HTR7: variants seen among roughly 807,000 people sequenced by gnomAD.
HTR7 encodes the protein 5-HT-7.
In HTR7, 16 loss-of-function variants were observed where a neutral mutation model predicts 34.0. The observed-to-expected ratio is 0.47, with a 90% CI of 0.32 to 0.71. The LOEUF is 0.71. Among genes scored for constraint, HTR7 ranks in the 30% least tolerant of loss-of-function variants. The pLI is 0.04. For synonymous variants in HTR7, 265 were observed against 260.2 expected (o/e 1.02, Z -0.18); for missense variants, 504 against 625.5 (o/e 0.81, Z 2.07).
At chr10:90,826,029 T>C (rs976413966) in intron 1 of HTR7, among the ~76,000 whole-genome samples, 2 of 152,102 alleles carry the variant, frequency 1.3e-5, no homozygotes, top group Non-Finnish European at 2.9e-5. Flanking sequence ...CAAGCAGATT[T>C]AACCCAAAGA....
At chr10:90,753,636 T>C (rs1844779790) in intron 1 of HTR7, among the ~76,000 whole-genome samples, 1 of 152,190 alleles carries the variant, frequency 6.6e-6, no homozygotes, top group Non-Finnish European at 1.5e-5. Context: ...AAGATAATTG[T>C]ACAAATGCAA....
At chr10:90,776,989 A>G (rs1845224913) in intron 1 of HTR7, among the ~76,000 whole-genome samples, 1 of 152,226 alleles carries the variant, frequency 6.6e-6, no homozygotes, top group Non-Finnish European at 1.5e-5. Context: ...TCTGTAGAAT[A>G]AGTGAGTATA....
intron 1 of HTR7, among the ~76,000 whole-genome samples, chr10:90,854,863 T>C (rs947314139): frequency 3.9e-5 from 6 of 152,334 alleles, no homozygotes; most frequent in African/African-American, 1.4e-4. Context: ...AAGCACAGTG[T>C]AACCTATATT....
chr10:90,838,433 C>T (rs963696088), intron 1 of HTR7, among the ~76,000 whole-genome samples: 4 of 152,196 alleles, frequency 2.6e-5, no homozygotes, highest in African/African-American at 4.8e-5. Context: ...CTACGATTAC[C>T]TCTTGCCTTG....
chr10:90,754,223 T>C (rs115196858), intron 1 of HTR7, among the ~76,000 whole-genome samples: 2,317 of 152,156 alleles, frequency 0.015, 38 homozygotes, highest in African/African-American at 0.042. Context: ...CAAAAGTACT[T>C]TATTAGAATA....
At chr10:90,854,761 C>A (rs926963180) in intron 1 of HTR7, among the ~76,000 whole-genome samples, 13 of 152,126 alleles carry the variant, frequency 8.5e-5, no homozygotes, top group African/African-American at 3.1e-4. Flanking sequence ...AGGCTAAATG[C>A]CCAACAGATA....
At chr10:90,806,773 T>C (rs1042227986) in intron 1 of HTR7, among the ~76,000 whole-genome samples, 18 of 152,208 alleles carry the variant, frequency 1.2e-4, no homozygotes, top group Non-Finnish European at 2.6e-4. Context: ...CCCTTGGTTA[T>C]TGTTATCTAT....
intron 1 of HTR7, among the ~76,000 whole-genome samples, chr10:90,806,502 G>A (rs1273794020): frequency 6.6e-6 from 1 of 152,148 alleles, no homozygotes; most frequent in Admixed American, 6.5e-5. Context: ...GGGAGGCTGA[G>A]GCAGGAGAAT....
chr10:90,854,209 C>T (rs977187857), intron 1 of HTR7, among the ~76,000 whole-genome samples: 8 of 152,062 alleles, frequency 5.3e-5, no homozygotes, highest in African/African-American at 1.9e-4. Context: ...AAAAATTAGC[C>T]GGGTGTGGTG....
chr10:90,842,485 T>C (rs1195550291), intron 1 of HTR7, among the ~76,000 whole-genome samples: 2 of 152,168 alleles, frequency 1.3e-5, no homozygotes, highest in African/African-American at 4.8e-5. Context: ...ACTCCTAACC[T>C]CTATCAGCCT....
chr10:90,749,259 A>G lies in HTR7; in HGVS notation c.875T>C (p.Ile292Thr). Residue 292 changes from isoleucine to threonine, a missense_variant, in exon 2 of 4, where the codon ATA becomes ACA. Physicochemically the swap from Ile to Thr is moderately conservative, Grantham distance 89. This residue lies in a region of HTR7 where 57 missense variants were observed against 47.5 expected (regional missense o/e 1.20). Transcript: ENST00000336152. The surrounding 1 kb of genome is among the most constrained non-coding windows in gnomAD (Gnocchi z 4.2). ...EPDSVIALNGIVKLQKEVEEC... is the reference protein window; with the variant it reads ...EPDSVIALNGTVKLQKEVEEC... ...TTCCACCTCCTTCTGGAGCTTCACT[A>G]TGCCATTCAGGGCGATGACGCTGTC... 1 of 1,614,090 alleles carries G rather than the reference A, an allele frequency of 6.2e-7. No homozygotes were observed.
At chr10:90,780,111 T>G (rs1845283113) in intron 1 of HTR7, among the ~76,000 whole-genome samples, 2 of 152,222 alleles carry the variant, frequency 1.3e-5, no homozygotes, top group South Asian at 4.1e-4. Flanking sequence ...CCAGGTGTCG[T>G]GGCTCACACC....
rs550747075 is a variant in HTR7 at position 90,857,654 on chromosome 10, G to A, written c.18C>T (p.Ser6=). MMDVN[S]SGRPDLYGHL... is the part of the protein sequence containing the mutation. ...GCCCGTAGAGGTCCGGGCGGCCGCT[G>A]CTGTTAACGTCCATCATCGCGCCGC... Residue 6 remains serine (S), a synonymous_variant, in exon 1 of 4, where the codon AGC becomes AGT. Transcript: ENST00000336152. This position sits in a 1 kb window ranked among gnomAD's most constrained non-coding sequence, Gnocchi z 6.5. The A allele has an allele frequency of 1.9e-6, 3 of 1,587,342 alleles. No individual in the cohort carries two copies. Among genetic ancestry groups the A allele is most frequent in the South Asian group, 1.1e-5 (1 of 88,234 alleles).
intron 1 of HTR7, among the ~76,000 whole-genome samples, chr10:90,769,899 G>T (rs1436282664): frequency 6.6e-6 from 1 of 152,236 alleles, no homozygotes; most frequent in African/African-American, 2.4e-5. Flanking sequence ...AAAATTGACA[G>T]CAGCAGCAGG....
chr10:90,799,585 C>T (rs1220007073), intron 1 of HTR7, among the ~76,000 whole-genome samples: 1 of 152,160 alleles, frequency 6.6e-6, no homozygotes, highest in African/African-American at 2.4e-5. Context: ...AAATCATCTC[C>T]TGTACCCCTC....
intron 1 of HTR7, among the ~76,000 whole-genome samples, chr10:90,832,906 C>T (rs947254764): frequency 1.3e-4 from 20 of 152,196 alleles, no homozygotes; most frequent in African/African-American, 2.2e-4. Flanking sequence ...CAAGGTGGGC[C>T]TACAAGCAGG....
At chr10:90,769,998 A>G (rs1589443166) in intron 1 of HTR7, among the ~76,000 whole-genome samples, 1 of 152,360 alleles carries the variant, frequency 6.6e-6, no homozygotes, top group East Asian at 1.9e-4. Context: ...CAGCAGTGGC[A>G]GTGGCTGGAC....
intron 1 of HTR7, among the ~76,000 whole-genome samples, chr10:90,760,942 AAAT>A (rs899182301): frequency 2.6e-5 from 4 of 152,176 alleles, no homozygotes; most frequent in Admixed American, 2.6e-4. Context: ...TGTGTCAAAA[AAAT>A]TAAATGAAAA....
At chr10:90,754,434 C>G (rs1844797916) in intron 1 of HTR7, among the ~76,000 whole-genome samples, 1 of 151,912 alleles carries the variant, frequency 6.6e-6, no homozygotes, top group Non-Finnish European at 1.5e-5. Flanking sequence ...TTTAACATTC[C>G]TTAAGTATGC....
Sources: gnomAD v4.1 joint callset for allele counts (sites outside exome capture counted in the v4.1 genomes callset) on GRCh38, gnomAD v4.1.1 for gene constraint, gnomAD v4.1.1 regional missense constraint, Gnocchi (gnomAD v3.1) non-coding constraint, MANE v1.5 for transcripts, NCBI Gene and HGNC (gene_info 2026-07-23, HGNC 2026-07-21) for gene names.